The following SPAG16 variants were observed in gnomAD, a reference collection of about 807,000 sequenced individuals.
SPAG16 encodes sperm-associated antigen 16 protein.
A neutral mutation model predicts 80.4 loss-of-function variants in SPAG16; 86 were observed. That is an observed-to-expected ratio of 1.07 (90% CI 0.90 to 1.28). The LOEUF is 1.28. Ranked by LOEUF, SPAG16 falls within the 50% of genes most tolerant of loss-of-function variation. The pLI is 0.00. For missense variants in SPAG16, 870 were observed against 765.3 expected, an observed-to-expected ratio of 1.14 and a Z score of -1.61; for synonymous variants, 294 against 265.9, an observed-to-expected ratio of 1.11 and a Z score of -1.03.
intron 15 of SPAG16, among the ~76,000 whole-genome samples, chr2:214,331,858 C>T (rs1696939508): frequency 6.6e-6 from 1 of 152,196 alleles, no homozygotes; most frequent in Admixed American, 6.5e-5. Flanking sequence ...ATGGAGCTGG[C>T]TAAAGCTTTG....
At chr2:213,444,116 A>G (rs1395015517) in intron 9 of SPAG16, among the ~76,000 whole-genome samples, 1 of 152,118 alleles carries the variant, frequency 6.6e-6, no homozygotes, top group Non-Finnish European at 1.5e-5. Context: ...GCCTAGGGAG[A>G]CACAAACGCT....
At chr2:213,377,074 C>A (rs936565762) in intron 9 of SPAG16, among the ~76,000 whole-genome samples, 3 of 152,124 alleles carry the variant, frequency 2.0e-5, no homozygotes, top group Admixed American at 2.0e-4. Context: ...GATAAATGAT[C>A]TAAGTTCATA....
rs542335358 is a variant in SPAG16, at chr2:213,464,432, A to G, written c.943-25531A>G. ...CTTTGAGTCCCCCTGGGTGACAGCA[A>G]CCTTGAATGAGAGGCTGTTATTGCC... On this transcript the variant is annotated intron_variant, in intron 9 of 15. Coordinates refer to ENST00000331683, the MANE Select transcript of SPAG16 (RefSeq NM_024532.5). Among the ~76,000 whole-genome samples, 157 of 152,320 alleles carry G rather than the reference A, an allele frequency of 1.0e-3. 1 individual carries two copies. Among genetic ancestry groups the G allele is most frequent in the Middle Eastern group, 6.8e-3 (2 of 292 alleles).
At chr2:213,702,317 C>G (rs770791642) in intron 10 of SPAG16, among the ~76,000 whole-genome samples, 21 of 152,252 alleles carry the variant, frequency 1.4e-4, no homozygotes, top group Non-Finnish European at 2.5e-4. Context: ...CGGCAACCCG[C>G]TTGGGTCTCT....
chr2:214,157,038 A>G (rs975851110), intron 15 of SPAG16, among the ~76,000 whole-genome samples: 2 of 152,114 alleles, frequency 1.3e-5, no homozygotes, highest in Non-Finnish European at 2.9e-5. Flanking sequence ...GAGTGACCCT[A>G]TTGTATATGC....
chr2:214,267,192 A>AAAAT (rs2125884662), intron 15 of SPAG16, among the ~76,000 whole-genome samples: 1 of 151,954 alleles, frequency 6.6e-6, no homozygotes, highest in South Asian at 2.1e-4. Context: ...AAAAGATTAA[A>AAAAT]AAATAGATAA....
intron 9 of SPAG16, among the ~76,000 whole-genome samples, chr2:213,393,709 A>G (rs1393766052): frequency 1.3e-5 from 2 of 152,038 alleles, no homozygotes; most frequent in Admixed American, 1.3e-4. Flanking sequence ...AACCAGTTGA[A>G]TATATTTATA....
chr2:214,381,299 A>G (rs1700436021), intron 15 of SPAG16, among the ~76,000 whole-genome samples: 1 of 152,222 alleles, frequency 6.6e-6, no homozygotes, highest in African/African-American at 2.4e-5. Context: ...CAGATCCTTG[A>G]TCAAATCAAG....
At chr2:213,986,008 C>A (rs1177758078) in intron 12 of SPAG16, among the ~76,000 whole-genome samples, 1 of 152,008 alleles carries the variant, frequency 6.6e-6, no homozygotes, top group African/African-American at 2.4e-5. Flanking sequence ...GTTTTTTGCA[C>A]TGTGATGAAT....
chr2:213,896,590 A>G (rs2077000794), intron 11 of SPAG16, among the ~76,000 whole-genome samples: 1 of 90,488 alleles, frequency 1.1e-5, no homozygotes, highest in Middle Eastern at 5.2e-3. Flanking sequence ...ACACACACAC[A>G]CGCACACACA....
chr2:214,400,287 T>G (rs1701634954), intron 15 of SPAG16, among the ~76,000 whole-genome samples: 1 of 151,966 alleles, frequency 6.6e-6, no homozygotes. Context: ...AAGAAAGACA[T>G]GGATTTCATG....
chr2:214,313,047 C>A (rs1053813414), intron 15 of SPAG16, among the ~76,000 whole-genome samples: 1 of 151,906 alleles, frequency 6.6e-6, no homozygotes, highest in Non-Finnish European at 1.5e-5. Flanking sequence ...ACCAACAAAG[C>A]TACCTGCGAA....
intron 3 of SPAG16, among the ~76,000 whole-genome samples, chr2:213,297,898 A>G (rs569061522): frequency 1.2e-4 from 19 of 152,292 alleles, no homozygotes; most frequent in African/African-American, 4.3e-4. Flanking sequence ...GAACCATTTA[A>G]TATGATGGCA....
chr2:214,187,501 GA>G (rs2057517390), intron 15 of SPAG16, among the ~76,000 whole-genome samples: 1 of 152,042 alleles, frequency 6.6e-6, no homozygotes, highest in South Asian at 2.1e-4. Flanking sequence ...CCTTTTATCA[GA>G]AAGCAAGAGT....
intron 15 of SPAG16, among the ~76,000 whole-genome samples, chr2:214,276,358 G>T (rs1040292029): frequency 6.6e-6 from 1 of 152,144 alleles, no homozygotes; most frequent in Non-Finnish European, 1.5e-5. Flanking sequence ...TGGTTATCTT[G>T]CCCATTAATT....
intron 13 of SPAG16, among the ~76,000 whole-genome samples, chr2:214,104,776 G>T (rs1389727927): frequency 6.6e-6 from 1 of 152,054 alleles, no homozygotes; most frequent in Non-Finnish European, 1.5e-5. Context: ...AGGAAAGAGG[G>T]GACTCACGGA....
At chr2:214,052,109 AATT>A (rs2049680225) in intron 13 of SPAG16, among the ~76,000 whole-genome samples, 1 of 152,130 alleles carries the variant, frequency 6.6e-6, no homozygotes. Context: ...TTACTTTTTC[AATT>A]ATTATGACAT....
At chr2:214,227,436 A>T (rs1281606064) in intron 15 of SPAG16, among the ~76,000 whole-genome samples, 1 of 152,056 alleles carries the variant, frequency 6.6e-6, no homozygotes, top group African/African-American at 2.4e-5. Flanking sequence ...CAAAAACTAC[A>T]TATAACATTT....
At chr2:213,357,433 G>C (rs1056275713) in intron 7 of SPAG16, among the ~76,000 whole-genome samples, 2 of 152,142 alleles carry the variant, frequency 1.3e-5, no homozygotes, top group Admixed American at 6.5e-5. Context: ...TATGAATATG[G>C]GTTCTCTTGC....
Sources: allele counts gnomAD v4.1 joint callset (sites outside exome capture counted in the v4.1 genomes callset), GRCh38; gene constraint gnomAD v4.1.1; transcripts MANE v1.5; gene names NCBI Gene and HGNC (gene_info 2026-07-23, HGNC 2026-07-21).